The following ADD1 variants were observed in gnomAD, a reference collection of about 807,000 sequenced individuals.
ADD1 encodes the protein alpha-adducin.
In ADD1, 24 loss-of-function variants were observed where a neutral mutation model predicts 80.5. The observed-to-expected ratio is 0.30, with a 90% CI of 0.22 to 0.42. The LOEUF (loss-of-function observed/expected upper bound fraction) is 0.42. Among genes scored for constraint, ADD1 ranks in the 10% least tolerant of loss-of-function variants. ADD1 has a pLI of 1.00. For missense variants in ADD1, 948 were observed against 1,019.0 expected, an observed-to-expected ratio of 0.93 and a Z score of 0.95; for synonymous variants, 373 against 393.8, an observed-to-expected ratio of 0.95 and a Z score of 0.63.
intron 2 of ADD1, among the ~76,000 whole-genome samples, chr4:2,877,021 C>G (rs975588490): frequency 4.0e-5 from 6 of 148,520 alleles, no homozygotes; most frequent in African/African-American, 1.5e-4. Flanking sequence ...AAAAAAAAAC[C>G]CTAGCTCAGT....
intron 4 of ADD1, among the ~76,000 whole-genome samples, chr4:2,890,532 G>A (rs539501198): frequency 2.6e-5 from 4 of 151,940 alleles, no homozygotes; most frequent in East Asian, 1.9e-4. Flanking sequence ...TCAACCTCCC[G>A]AGTAGCTGGG....
chr4:2,865,556 A>C (rs1729427352), intron 1 of ADD1, among the ~76,000 whole-genome samples: 1 of 152,230 alleles, frequency 6.6e-6, no homozygotes, highest in Non-Finnish European at 1.5e-5. Context: ...TTTCAGATAA[A>C]ACAACTGCTT....
rs189754283 is a variant in ADD1 at position 2,918,803 on chromosome 4, C to T, written c.1948+3763C>T. ...GTTTTTGTCATTGGTTCTATTTATA[C>T]GATGGATTACGTTTATTGATTTGCA... is the stretch of plus-strand genomic sequence containing the variant. On this transcript the variant is annotated intron_variant, in intron 14 of 15. Transcript: ENST00000683351. Among the ~76,000 whole-genome samples the T allele has an allele frequency of 3.5e-3, 521 of 150,218 alleles. 1 individual carries two copies. Among genetic ancestry groups the T allele is most frequent in the African/African-American group, 0.012 (474 of 41,084 alleles).
intron 13 of ADD1, among the ~76,000 whole-genome samples, chr4:2,910,534 C>T (rs745961267): frequency 5.3e-5 from 8 of 152,130 alleles, no homozygotes; most frequent in Non-Finnish European, 1.0e-4. Flanking sequence ...CACTTTGTTG[C>T]GGTCTTGTCA....
chr4:2,858,881 G>GCCAGACATTGTT (rs1334859971), intron 1 of ADD1, among the ~76,000 whole-genome samples: 2 of 152,190 alleles, frequency 1.3e-5, no homozygotes, highest in African/African-American at 4.8e-5. Flanking sequence ...CAGACATTGT[G>GCCAGACATTGTT]CTAGACATTT....
intron 9 of ADD1, chr4:2,904,538 G>A (rs775795547): frequency 3.3e-5 from 19 of 579,748 alleles, no homozygotes; most frequent in Non-Finnish European, 5.8e-5. Flanking sequence ...CTTTTGGGTT[G>A]TTTCCAATTG....
chr4:2,861,914 T>C (rs912599143), intron 1 of ADD1, among the ~76,000 whole-genome samples: 1 of 152,202 alleles, frequency 6.6e-6, no homozygotes, highest in African/African-American at 2.4e-5. Context: ...TCGTAAACTT[T>C]CTTAAAACAT....
chr4:2,899,374 C>T lies in ADD1; in HGVS notation c.1100C>T (p.Pro367Leu). The T allele has an allele frequency of 6.2e-7, 1 of 1,614,242 alleles. No individual in the cohort carries two copies. Among genetic ancestry groups the T allele is most frequent in the South Asian group, 1.1e-5 (1 of 91,086 alleles). ...CCGGTAGGGGAAGGCACTGGATCGC[C>T]TCCCAAGTGGCAGATTGGTGAGCAG... is the stretch of plus-strand genomic sequence containing the variant. ...GSPVGEGTGS[P>L]PKWQIGEQEF... The change falls in exon 9 of 16, where the codon CCT becomes CTT. Residue 367 changes from proline to leucine, a missense_variant. By Grantham distance (98) the Pro-to-Leu change is moderately conservative. Transcript: ENST00000683351.
chr4:2,920,732 C>T (rs958855638), intron 14 of ADD1, among the ~76,000 whole-genome samples: 7 of 147,090 alleles, frequency 4.8e-5, no homozygotes, highest in East Asian at 2.0e-4. Flanking sequence ...TGCATATCTT[C>T]GCATGTGAGA....
chr4:2,885,656 C>G (rs1325024314), intron 4 of ADD1, among the ~76,000 whole-genome samples: 2 of 151,802 alleles, frequency 1.3e-5, no homozygotes, highest in Admixed American at 6.6e-5. Flanking sequence ...GTTGCCCAGG[C>G]TGGAGTGCAG....
At chr4:2,846,867 C>T (rs981443998) in intron 1 of ADD1, among the ~76,000 whole-genome samples, 1 of 150,990 alleles carries the variant, frequency 6.6e-6, no homozygotes, top group African/African-American at 2.4e-5. Flanking sequence ...CCTGTAATCC[C>T]AGCACTTTGG....
chr4:2,900,037 A>C lies in ADD1; in HGVS notation c.1161+602A>C, dbSNP rs114266764. 362 of 155,422 alleles carry C rather than the reference A, an allele frequency of 2.3e-3. 4 individuals are homozygous for C. The highest frequency in any genetic ancestry group is 8.3e-3 in the African/African-American group (347 of 41,582). 9.6% of individuals were successfully genotyped at this position (155,422 alleles called of 1,614,324 possible). On this transcript the variant is annotated intron_variant, in intron 9 of 15. Transcript: ENST00000683351. ...TTACAGGGTTGCCGTGAAGAATTTC[A>C]TTCTTTTGCAAGGACTGGAGAGAAA...
In ADD1 at chr4:2,928,665, G is replaced by C. The variant is rs1298803990; in HGVS notation, c.*142G>C. On this transcript the variant is annotated 3_prime_UTR_variant, in exon 16 of 16. Transcript: ENST00000683351. ...GAGGTCCCCTCACGTGACCAGCCCC[G>C]TGTAGCCCCGGGCTGACCCAGTGTG... is the stretch of plus-strand genomic sequence containing the variant. 1 of 857,154 alleles carries C rather than the reference G, an allele frequency of 1.2e-6. No homozygotes were observed. Among genetic ancestry groups the C allele is most frequent in the Non-Finnish European group, 1.8e-6 (1 of 553,756 alleles). The allele number at this position is 857,154 out of a possible 1,614,324, so 53.1% of individuals were successfully genotyped here.
Position 2,929,637 on chromosome 4 carries a change from G to C in ADD1, c.*1114G>C, listed in dbSNP as rs1342981917. 1 of 152,274 alleles carries C rather than the reference G, an allele frequency of 6.6e-6. No individual in the cohort carries two copies. The allele number at this position is 152,274 out of a possible 1,614,324, so 9.4% of individuals were successfully genotyped here. A position where few individuals can be genotyped will look rare whatever the true frequency, so the allele number is the denominator to read the frequency against. On this transcript the variant is annotated 3_prime_UTR_variant, in exon 16 of 16. Transcript: ENST00000683351. ...GACTAGGTACAGGCAAGCTTGTGTG[G>C]GCCCAACAGGCCCTTGGTAGAGCTG... is the stretch of plus-strand genomic sequence containing the variant.
rs1160151551 is a variant in ADD1, at chr4:2,865,829, AATATT to A, written c.-20-10060_-20-10056del. Reference sequence around the variant, plus strand: ...AACAAAACTATAGTTAAAAAATTAAAATATTATATTAATTGAAGGACAGTAACAGT... The same window carrying A: ...AACAAAACTATAGTTAAAAAATTAAAATATTAATTGAAGGACAGTAACAGT... On this transcript the variant is annotated intron_variant, in intron 1 of 15. Coordinates refer to ENST00000683351, the MANE Select transcript of ADD1 (RefSeq NM_001354761.2). Among the ~76,000 whole-genome samples, 8 of 152,230 alleles carry A rather than the reference AATATT, an allele frequency of 5.3e-5. No homozygotes were observed. The South Asian group carries it at 6.2e-4, about 12-fold the overall frequency.
At position 2,883,879 on chromosome 4, in the gene ADD1, G is replaced by A. The variant is rs962769276; in HGVS notation, c.359-636G>A. ...GTATAGACAGGGTTTCACCTTGTTA[G>A]CCAGGATGGTCTCGATCTCCTGACC... On this transcript the variant is annotated intron_variant, in intron 3 of 15. Coordinates refer to ENST00000683351, the MANE Select transcript of ADD1 (RefSeq NM_001354761.2). 3.3e-5 allele frequency among the ~76,000 whole-genome samples: 5 copies of A among 152,046 alleles called. No individual in the cohort carries two copies. In the South Asian group the frequency reaches 8.3e-4, roughly 25 times the overall value.
At chr4:2,927,489 C>T (rs772140908) in intron 15 of ADD1, among the ~76,000 whole-genome samples, 22 of 152,170 alleles carry the variant, frequency 1.4e-4, no homozygotes, top group African/African-American at 4.6e-4. Context: ...CTTTGTAGGC[C>T]GTTTACGAAT....
chr4:2,920,913 G>T (rs1043789908), intron 14 of ADD1, among the ~76,000 whole-genome samples: 24 of 152,232 alleles, frequency 1.6e-4, no homozygotes, highest in Non-Finnish European at 3.4e-4. Context: ...GTTAACTGAT[G>T]CAGTTTCTTC....
Position 2,914,901 on chromosome 4 carries a change from C to G in ADD1, c.1809C>G (p.Ala603=). 6.2e-7 allele frequency: 1 copy of G among 1,612,686 alleles called. No homozygotes were observed. The highest frequency in any genetic ancestry group is 2.2e-5 in the East Asian group (1 of 44,748). The change falls in exon 14 of 16, where the codon GCC becomes GCG. Residue 603 remains alanine, a synonymous_variant. Transcript: ENST00000683351. The part of the protein sequence containing the change: ...LSFRKGELVT[A]SKAIIEKEYQ... ...ATCCACAGGGAGAGCTGGTGACGGCCTCCAAGGCCATCATTGAAAAGGAGT... is the reference window on the plus strand; with the variant it reads ...ATCCACAGGGAGAGCTGGTGACGGCGTCCAAGGCCATCATTGAAAAGGAGT...
Sources: gnomAD v4.1 joint callset for allele counts (sites outside exome capture counted in the v4.1 genomes callset) on GRCh38, gnomAD v4.1.1 for gene constraint, MANE v1.5 for transcripts, NCBI Gene and HGNC (gene_info 2026-07-23, HGNC 2026-07-21) for gene names.